The following ULK2 variants were observed in gnomAD, a reference collection of about 807,000 sequenced individuals.
ULK2 encodes the protein serine/threonine-protein kinase ULK2.
In ULK2, 76 loss-of-function variants were observed where a neutral mutation model predicts 127.5. The ratio of observed to expected loss-of-function variants is 0.60; its 90% CI spans 0.50 to 0.72. ULK2 has a LOEUF of 0.72. ULK2 is among the 30% of genes least tolerant of loss of function. The pLI is 0.00. For synonymous variants in ULK2, 452 were observed against 461.9 expected (o/e 0.98, Z 0.28); for missense variants, 1,144 against 1,295.9 (o/e 0.88, Z 1.80).
chr17:19,858,924 C>T (rs1029825287), intron 3 of ULK2, among the ~76,000 whole-genome samples: 4 of 151,408 alleles, frequency 2.6e-5, no homozygotes, highest in Non-Finnish European at 5.9e-5. Context: ...GAGCCAGGAT[C>T]GTGCCACTGC....
chr17:19,852,858 G>C (rs1003278697), intron 3 of ULK2, among the ~76,000 whole-genome samples: 4 of 151,806 alleles, frequency 2.6e-5, no homozygotes, highest in African/African-American at 9.7e-5. Context: ...CACTGTGTTA[G>C]CCAGGATGGT....
intron 5 of ULK2, among the ~76,000 whole-genome samples, chr17:19,848,530 G>C (rs181490357): frequency 2.6e-5 from 4 of 152,154 alleles, no homozygotes; most frequent in African/African-American, 7.2e-5. Context: ...TGTAATCCCA[G>C]CACTTTGGGA....
intron 3 of ULK2, among the ~76,000 whole-genome samples, chr17:19,856,938 C>G (rs1481470918): frequency 7.7e-6 from 1 of 129,046 alleles, no homozygotes; most frequent in Admixed American, 9.5e-5. Flanking sequence ...GATCGCACCA[C>G]GGCACTCCAG....
In ULK2 at chr17:19,775,999, C is replaced by T. The variant is rs1436512153; in HGVS notation, c.*350G>A. On this transcript the variant is annotated 3_prime_UTR_variant, in exon 27 of 27. Transcript: ENST00000395544. ...AATTTCACACACTGCTCTGATGAACCCAGTGACGAGCACTCACTTTGTTTC... is the reference window on the plus strand; with the variant it reads ...AATTTCACACACTGCTCTGATGAACTCAGTGACGAGCACTCACTTTGTTTC... The T allele has an allele frequency of 4.6e-6, 1 of 215,708 alleles. No individual in the cohort carries two copies. The highest frequency in any genetic ancestry group is 9.2e-6 in the Non-Finnish European group (1 of 109,254). 13.4% of individuals were successfully genotyped at this position (215,708 alleles called of 1,614,324 possible). A position where few individuals can be genotyped will look rare whatever the true frequency, so the allele number is the denominator to read the frequency against.
At chr17:19,842,094 A>C (rs1433923261) in intron 8 of ULK2, among the ~76,000 whole-genome samples, 1 of 152,134 alleles carries the variant, frequency 6.6e-6, no homozygotes, top group Non-Finnish European at 1.5e-5. Context: ...AATAGCTGAT[A>C]ACAACAGCTG....
At chr17:19,836,942 C>T (rs1405333488) in intron 10 of ULK2, among the ~76,000 whole-genome samples, 1 of 151,430 alleles carries the variant, frequency 6.6e-6, no homozygotes, top group African/African-American at 2.4e-5. Flanking sequence ...AAAAATTAGC[C>T]AACTGTGGTG....
intron 7 of ULK2, 78 bp downstream of exon 7, chr17:19,845,226 G>T: frequency 8.0e-7 from 1 of 1,250,650 alleles, no homozygotes; most frequent in South Asian, 1.3e-5. Context: ...CATCTTATTT[G>T]GAAGCACGCA....
chr17:19,864,958 TAA>T lies in ULK2; in HGVS notation c.184-116_184-115del, dbSNP rs113024675. The T allele has an allele frequency of 5.4e-5, 20 of 370,856 alleles. 1 individual carries two copies. Among genetic ancestry groups the T allele is most frequent in the South Asian group, 2.5e-4 (2 of 8,056 alleles). The allele number at this position is 370,856 out of a possible 1,614,324, so 23.0% of individuals were successfully genotyped here. Reference sequence around the variant, plus strand: ...TACACTTCTAGTATTATACTTATATTAAGACTATAAAAATTCAATTAAAGAAT... The same window carrying T: ...TACACTTCTAGTATTATACTTATATTGACTATAAAAATTCAATTAAAGAAT... On this transcript the variant is annotated intron_variant, in intron 2 of 26. Transcript: ENST00000395544.
chr17:19,824,446 CAAAAA>C (rs397943235), intron 12 of ULK2, among the ~76,000 whole-genome samples: 7 of 9,902 alleles, frequency 7.1e-4, no homozygotes, highest in South Asian at 6.8e-3. Context: ...AACTCCATCT[CAAAAA>C]AAAAAAAAAA....
intron 9 of ULK2, among the ~76,000 whole-genome samples, chr17:19,839,229 A>AC (rs1258910197): frequency 4.6e-5 from 7 of 152,152 alleles, no homozygotes; most frequent in African/African-American, 1.7e-4. Context: ...CAAAGTAGCC[A>AC]CCTCCATTTC....
chr17:19,837,518 A>G lies in ULK2; in HGVS notation c.787+983T>C, dbSNP rs549181966. Among the ~76,000 whole-genome samples the G allele has an allele frequency of 3.3e-5, 5 of 152,344 alleles. No homozygotes were observed. The East Asian group carries it at 7.7e-4, about 23-fold the overall frequency. ...TCTGAAATTCAAGTGCACTTCTGAC[A>G]TCGACACTTAGATATCCAATGGTTA... On this transcript the variant is annotated intron_variant, in intron 10 of 26. Transcript: ENST00000395544.
intron 12 of ULK2, among the ~76,000 whole-genome samples, chr17:19,824,234 C>T (rs2041232230): frequency 6.6e-6 from 1 of 152,028 alleles, no homozygotes; most frequent in Non-Finnish European, 1.5e-5. Flanking sequence ...CACTTGAGTT[C>T]AGGAGTTTCA....
chr17:19,834,196 A>C, intron 10 of ULK2, among the ~76,000 whole-genome samples: 1 of 152,094 alleles, frequency 6.6e-6, no homozygotes, highest in South Asian at 2.1e-4. Flanking sequence ...AAATCCTAAC[A>C]ACCAAGAATT....
At chr17:19,845,271 T>C in intron 7 of ULK2, 33 bp downstream of exon 7, 1 of 1,583,264 alleles carries the variant, frequency 6.3e-7, no homozygotes, top group Non-Finnish European at 8.7e-7. Flanking sequence ...GGAGCCATGC[T>C]TTAAACACAC....
At chr17:19,806,246 AT>A (rs973294602) in intron 14 of ULK2, among the ~76,000 whole-genome samples, 2 of 150,922 alleles carry the variant, frequency 1.3e-5, no homozygotes, top group Non-Finnish European at 3.0e-5. Flanking sequence ...AATAAATGCC[AT>A]TTTTTTATTG....
chr17:19,866,611 C>A (rs2042356378), intron 1 of ULK2, among the ~76,000 whole-genome samples: 2 of 152,196 alleles, frequency 1.3e-5, no homozygotes, highest in African/African-American at 4.8e-5. Context: ...ATCAGAACTG[C>A]CACACCCTTT....
chr17:19,839,710 T>G (rs2041691991), intron 9 of ULK2, among the ~76,000 whole-genome samples: 1 of 144,848 alleles, frequency 6.9e-6, no homozygotes, highest in Non-Finnish European at 1.5e-5. Flanking sequence ...ATTAAAGAAA[T>G]ACAAAGGAGC....
At chr17:19,777,552 A>G (rs778160805) in intron 26 of ULK2, 29 bp downstream of exon 26, 1 of 1,579,718 alleles carries the variant, frequency 6.3e-7, no homozygotes. Flanking sequence ...ATGAAGTAAA[A>G]AAATACACTA....
In ULK2 at chr17:19,781,093, T is replaced by C. The variant is rs1192033421; in HGVS notation, c.2651A>G (p.Gln884Arg). 7.5e-6 allele frequency: 12 copies of C among 1,609,940 alleles called. No homozygotes were observed. Among genetic ancestry groups the C allele is most frequent in the Non-Finnish European group, 1.0e-5 (12 of 1,176,826 alleles). The change falls in exon 24 of 27, where the codon CAG (glutamine) becomes CGG (arginine). Residue 884 changes from glutamine to arginine, a missense_variant. Gln to Arg is a conservative substitution (Grantham distance 43). Around this residue, in one of 2 missense-constraint regions of ULK2, gnomAD observed 913 missense variants for 970.5 expected, o/e 0.94. Coordinates refer to ENST00000395544, the MANE Select transcript of ULK2 (RefSeq NM_014683.4). ...QLSKDWGRVE[Q>R]LVLYMKAAQL... is the part of the protein sequence containing the mutation. ...TGCTGCTTTCATGTACAACACCAGCTGCTCCACCCGCCTGCACCCAAAAGA... is the reference window on the plus strand; with the variant it reads ...TGCTGCTTTCATGTACAACACCAGCCGCTCCACCCGCCTGCACCCAAAAGA...
Sources: allele counts gnomAD v4.1 joint callset (sites outside exome capture counted in the v4.1 genomes callset), GRCh38; gene constraint gnomAD v4.1.1; regional missense constraint gnomAD v4.1.1; transcripts MANE v1.5; gene names NCBI Gene and HGNC (gene_info 2026-07-23, HGNC 2026-07-21).